STARD13: variants seen among roughly 807,000 people sequenced by gnomAD.
The protein encoded by STARD13 is stAR-related lipid transfer protein 13.
A neutral mutation model predicts 106.4 loss-of-function variants in STARD13; 62 were observed. The ratio of observed to expected loss-of-function variants is 0.58; its 90% CI spans 0.48 to 0.72. The LOEUF is 0.72. STARD13 is among the 30% of genes least tolerant of loss of function. The probability of loss-of-function intolerance (pLI) is 0.00; values close to 1 mark genes in which losing one functional copy is unlikely to be tolerated. For synonymous variants in STARD13, 565 were observed against 553.0 expected, an observed-to-expected ratio of 1.02 and a Z score of -0.31; for missense variants, 1,387 against 1,424.0, an observed-to-expected ratio of 0.97 and a Z score of 0.42.
At chr13:33,479,526 T>C in the STARD13 span, among the ~76,000 whole-genome samples, 2 of 152,076 alleles carry the variant, frequency 1.3e-5, no homozygotes. Context: ...TGCAATGGAG[T>C]GCTAAGGTGT....
chr13:33,317,266 A>G (rs77458871), intron 1 of STARD13, among the ~76,000 whole-genome samples: 13 of 152,180 alleles, frequency 8.5e-5, no homozygotes, highest in Non-Finnish European at 1.9e-4. Flanking sequence ...TGCCCATCCA[A>G]CCCAACATGC....
At chr13:33,624,239 G>A in the STARD13 span, among the ~76,000 whole-genome samples, 2 of 152,290 alleles carry the variant, frequency 1.3e-5, no homozygotes, top group South Asian at 4.1e-4. Context: ...TCCAACAAGA[G>A]AACAGATAAA....
chr13:33,305,485 C>T (rs373695507), intron 1 of STARD13, among the ~76,000 whole-genome samples: 1 of 152,174 alleles, frequency 6.6e-6, no homozygotes, highest in Non-Finnish European at 1.5e-5. Context: ...TTAGCAAGTA[C>T]CTACTATGTG....
intron 1 of STARD13, among the ~76,000 whole-genome samples, chr13:33,322,694 CA>C (rs1343965029): frequency 6.6e-6 from 1 of 152,216 alleles, no homozygotes; most frequent in African/African-American, 2.4e-5. Context: ...TTTTGGTACA[CA>C]GCAAAAATTT....
chr13:33,317,937 A>T (rs367908371), intron 1 of STARD13, among the ~76,000 whole-genome samples: 6 of 152,190 alleles, frequency 3.9e-5, no homozygotes, highest in African/African-American at 1.2e-4. Flanking sequence ...CTCACAATAA[A>T]CCAGTTCCCA....
Position 33,118,135 on chromosome 13 carries a change from C to T in STARD13, c.2211G>A (p.Gln737=), listed in dbSNP as rs2138101528. ...GAGGCTCAGGGAGGTCCCGGAAGAA[C>T]TGTTTCACCATATCCGCCACATCAT... ...SAYDVADMVK[Q]FFRDLPEPLF... is the part of the protein sequence containing the mutation. Residue 737 remains glutamine (Q), a synonymous_variant, in exon 8 of 14, where the codon CAG becomes CAA. Coordinates refer to ENST00000336934, the MANE Select transcript of STARD13 (RefSeq NM_178006.4). The T allele has an allele frequency of 6.2e-7, 1 of 1,614,204 alleles. No homozygotes were observed. Among genetic ancestry groups the T allele is most frequent in the East Asian group, 2.2e-5 (1 of 44,888 alleles).
chr13:33,267,189 C>A (rs1318996122), intron 1 of STARD13, among the ~76,000 whole-genome samples: 4 of 152,130 alleles, frequency 2.6e-5, no homozygotes, highest in South Asian at 4.1e-4. Context: ...GGAGAGGGTT[C>A]CCTGTTCCCA....
the STARD13 span, among the ~76,000 whole-genome samples, chr13:33,461,766 T>A: frequency 1.3e-5 from 2 of 152,152 alleles, no homozygotes; most frequent in Admixed American, 1.3e-4. Context: ...TTTCTGATTG[T>A]CATGATCTGC....
the STARD13 span, among the ~76,000 whole-genome samples, chr13:33,440,747 TG>T: frequency 1.3e-5 from 2 of 149,732 alleles, no homozygotes; most frequent in African/African-American, 4.9e-5. Flanking sequence ...TCTCTTTCCT[TG>T]AGCTCCAGGA....
At chr13:33,544,420 AT>A in the STARD13 span, among the ~76,000 whole-genome samples, 1 of 152,266 alleles carries the variant, frequency 6.6e-6, no homozygotes, top group Non-Finnish European at 1.5e-5. Context: ...TCACGCAGTG[AT>A]TAAAGTGTGC....
chr13:33,570,204 A>G, the STARD13 span, among the ~76,000 whole-genome samples: 1 of 148,118 alleles, frequency 6.8e-6, no homozygotes, highest in Non-Finnish European at 1.5e-5. Flanking sequence ...CTGTGTATCA[A>G]TAAAGGCATC....
chr13:33,645,419 C>T, the STARD13 span, among the ~76,000 whole-genome samples: 3 of 152,070 alleles, frequency 2.0e-5, no homozygotes, highest in Admixed American at 6.5e-5. Flanking sequence ...GAGCTCAGCC[C>T]GAATCACTTG....
the STARD13 span, among the ~76,000 whole-genome samples, chr13:33,416,066 TTAAGA>T: frequency 2.0e-5 from 3 of 152,258 alleles, no homozygotes; most frequent in East Asian, 5.8e-4. Context: ...CTTGATTTCT[TTAAGA>T]TATTTCTGAA....
chr13:33,132,407 G>T (rs1214418096), intron 4 of STARD13, among the ~76,000 whole-genome samples: 2 of 152,312 alleles, frequency 1.3e-5, no homozygotes, highest in South Asian at 2.1e-4. Flanking sequence ...AACCCCTTTT[G>T]CTTGGCTCTC....
the STARD13 span, among the ~76,000 whole-genome samples, chr13:33,415,961 A>G: frequency 6.6e-6 from 1 of 152,222 alleles, no homozygotes; most frequent in Non-Finnish European, 1.5e-5. Flanking sequence ...GCAATGATAA[A>G]TCTCCAGGAA....
intron 1 of STARD13, among the ~76,000 whole-genome samples, chr13:33,299,641 G>A (rs954742287): frequency 6.6e-6 from 1 of 152,182 alleles, no homozygotes; most frequent in Non-Finnish European, 1.5e-5. Flanking sequence ...TTATCCTGTG[G>A]TTTTGTTGAA....
the STARD13 span, among the ~76,000 whole-genome samples, chr13:33,565,178 A>G: frequency 6.8e-6 from 1 of 146,456 alleles, no homozygotes; most frequent in East Asian, 2.1e-4. Context: ...AAAAACGTGG[A>G]TTTCATGAAG....
intron 1 of STARD13, among the ~76,000 whole-genome samples, chr13:33,320,794 G>A (rs957171912): frequency 5.3e-5 from 8 of 152,254 alleles, no homozygotes; most frequent in Admixed American, 2.0e-4. Context: ...AACACAGGGA[G>A]ACCCCATCTC....
the STARD13 span, among the ~76,000 whole-genome samples, chr13:33,422,313 G>A: frequency 6.6e-6 from 1 of 152,146 alleles, no homozygotes; most frequent in African/African-American, 2.4e-5. Flanking sequence ...CAGACAAACA[G>A]AGAGCCAAAT....
Sources: allele counts gnomAD v4.1 joint callset (sites outside exome capture counted in the v4.1 genomes callset), GRCh38; gene constraint gnomAD v4.1.1; transcripts MANE v1.5; gene names NCBI Gene and HGNC (gene_info 2026-07-23, HGNC 2026-07-21).